Variants in DUSP16 observed in about 807,000 individuals in gnomAD.
The protein encoded by DUSP16 is dual specificity phosphatase 16, also known as dual specificity protein phosphatase 16.
Under a neutral mutation model 58.3 loss-of-function variants are expected in DUSP16, and 21 were observed. The ratio of observed to expected loss-of-function variants is 0.36; its 90% CI spans 0.26 to 0.52. DUSP16 has a LOEUF of 0.52. Among genes scored for constraint, DUSP16 ranks in the 20% least tolerant of loss-of-function variants. The pLI, the probability that DUSP16 is intolerant of heterozygous loss-of-function variation, is 0.94. For missense variants in DUSP16, 726 were observed against 819.0 expected (o/e 0.89, Z 1.39); for synonymous variants, 320 against 323.8 (o/e 0.99, Z 0.12).
At chr12:12,541,858 C>A (rs1208387092) in intron 1 of DUSP16, among the ~76,000 whole-genome samples, 1 of 152,064 alleles carries the variant, frequency 6.6e-6, no homozygotes, top group Admixed American at 6.5e-5. Context: ...CCCACAAAAA[C>A]TTGTATAAAA....
At chr12:12,550,195 C>T (rs1944704993) in intron 1 of DUSP16, among the ~76,000 whole-genome samples, 1 of 151,758 alleles carries the variant, frequency 6.6e-6, no homozygotes, top group Non-Finnish European at 1.5e-5. Flanking sequence ...ATCGCTTGAA[C>T]CCGGGAGGCG....
At chr12:12,514,707 C>T (rs1289127432) in intron 3 of DUSP16, among the ~76,000 whole-genome samples, 1 of 152,128 alleles carries the variant, frequency 6.6e-6, no homozygotes, top group African/African-American at 2.4e-5. Context: ...CTTGCTCTGT[C>T]GCCCAGGCTG....
chr12:12,485,930 A>ACCTG, intron 5 of DUSP16, among the ~76,000 whole-genome samples: 1 of 151,298 alleles, frequency 6.6e-6, no homozygotes, highest in Non-Finnish European at 1.5e-5. Context: ...AGCAGCTGGG[A>ACCTG]CTACAGGTTC....
At position 12,500,568 on chromosome 12, in the gene DUSP16, C is replaced by G; in HGVS notation, c.482G>C (p.Arg161Pro). The G allele has an allele frequency of 1.2e-6, 2 of 1,611,780 alleles. No individual in the cohort carries two copies. Among genetic ancestry groups the G allele is most frequent in the Non-Finnish European group, 1.7e-6 (2 of 1,179,096 alleles). Residue 161 changes from arginine (R) to proline (P), a missense_variant, in exon 4 of 7, where the codon CGA (arginine) becomes CCA (proline). By Grantham distance (103) the Arg-to-Pro change is moderately radical. Transcript: ENST00000298573. ...CLPVANIGPT[R>P]ILPNLYLGCQ... ...GCCAAGATAAAGATTGGGAAGAATTCGGGTTGGCCCAATGTTGGCAACAGG... is the reference window on the plus strand; with the variant it reads ...GCCAAGATAAAGATTGGGAAGAATTGGGGTTGGCCCAATGTTGGCAACAGG...
Position 12,477,724 on chromosome 12 carries a change from C to T in DUSP16, c.1107G>A (p.Ser369=), listed in dbSNP as rs1351749961. Residue 369 remains serine (S), a synonymous_variant, in exon 7 of 7, where the codon TCG becomes TCA. Coordinates refer to ENST00000298573, the MANE Select transcript of DUSP16 (RefSeq NM_030640.3). This position sits in a 1 kb window ranked among gnomAD's most constrained non-coding sequence, Gnocchi z 4.1. ...GTACCAGCGGGCTGTCCTCTAACAG[C>T]GACGGCTGCACGCTGGGCACGCTGG... ...SVPSVPSVQP[S]LLEDSPLVQA... is the part of the protein sequence containing the mutation. 2.0e-5 allele frequency: 33 copies of T among 1,611,174 alleles called. No individual in the cohort carries two copies. The highest frequency in any genetic ancestry group is 5.4e-5 in the African/African-American group (4 of 73,806).
At chr12:12,558,651 A>C (rs766726471) in intron 1 of DUSP16, among the ~76,000 whole-genome samples, 18 of 152,182 alleles carry the variant, frequency 1.2e-4, no homozygotes, top group Non-Finnish European at 1.5e-5. Flanking sequence ...AAGTGCTGGG[A>C]TTATAGGAAT....
At chr12:12,552,390 G>C (rs1305741871) in intron 1 of DUSP16, among the ~76,000 whole-genome samples, 1 of 151,984 alleles carries the variant, frequency 6.6e-6, no homozygotes, top group Non-Finnish European at 1.5e-5. Context: ...AGGTTGCAGT[G>C]AGCTGAGATC....
chr12:12,543,679 G>T (rs1179251322), intron 1 of DUSP16, among the ~76,000 whole-genome samples: 1 of 151,970 alleles, frequency 6.6e-6, no homozygotes, highest in Non-Finnish European at 1.5e-5. Context: ...CATGTAAAAA[G>T]AAAGATGTCT....
chr12:12,561,801 G>A (rs1443298623), intron 1 of DUSP16, among the ~76,000 whole-genome samples: 1 of 151,524 alleles, frequency 6.6e-6, no homozygotes. Context: ...TCCAAGCGCC[G>A]CGCAGCGGCC....
chr12:12,526,964 G>C (rs967580436), intron 1 of DUSP16, among the ~76,000 whole-genome samples: 6 of 152,188 alleles, frequency 3.9e-5, no homozygotes, highest in African/African-American at 1.4e-4. Context: ...GTCCCACTCA[G>C]AGAGGCACAA....
At position 12,477,091 on chromosome 12, in the gene DUSP16, A is replaced by G; in HGVS notation, c.1740T>C (p.Ser580=). ...SAIYGGSASY[S]AYSCSQLPTC... ...TGGGCAGCTGGCTGCAGCTGTAGGC[A>G]GAGTAACTGGCACTGCCTCCGTAGA... Residue 580 remains serine, a synonymous_variant, in exon 7 of 7, where the codon TCT becomes TCC. Coordinates refer to ENST00000298573, the MANE Select transcript of DUSP16 (RefSeq NM_030640.3). The surrounding 1 kb of genome is among the most constrained non-coding windows in gnomAD (Gnocchi z 4.1). The G allele has an allele frequency of 6.2e-7, 1 of 1,614,254 alleles. No homozygotes were observed. The highest frequency in any genetic ancestry group is 1.6e-4 in the Middle Eastern group (1 of 6,062).
At chr12:12,535,103 A>G (rs1310897486) in intron 1 of DUSP16, among the ~76,000 whole-genome samples, 1 of 152,230 alleles carries the variant, frequency 6.6e-6, no homozygotes, top group East Asian at 1.9e-4. Context: ...ATGCAGAAAA[A>G]GCTGGCTTCA....
At chr12:12,498,091 T>A (rs1478782958) in intron 4 of DUSP16, among the ~76,000 whole-genome samples, 1 of 152,208 alleles carries the variant, frequency 6.6e-6, no homozygotes, top group Non-Finnish European at 1.5e-5. Flanking sequence ...TAGGGAAGAT[T>A]ATAAAATTTT....
In DUSP16 at chr12:12,524,726, C is replaced by T. The variant is rs145870154; in HGVS notation, c.-365-3263G>A. 8.7e-3 allele frequency among the ~76,000 whole-genome samples: 1,330 copies of T among 152,252 alleles called. 21 individuals are homozygous for T. Among genetic ancestry groups the T allele is most frequent in the African/African-American group, 0.03 (1,242 of 41,548 alleles). ...CAAAATCCAGAGCAGACCAGCTTTGCTATTTATCTATTTATTTAGCCAGCT... is the reference window on the plus strand; with the variant it reads ...CAAAATCCAGAGCAGACCAGCTTTGTTATTTATCTATTTATTTAGCCAGCT... On this transcript the variant is annotated intron_variant, in intron 1 of 6. Transcript: ENST00000298573.
At chr12:12,527,119 T>C (rs1944318281) in intron 1 of DUSP16, among the ~76,000 whole-genome samples, 1 of 152,242 alleles carries the variant, frequency 6.6e-6, no homozygotes, top group South Asian at 2.1e-4. Flanking sequence ...GTTCAAATTC[T>C]CAGTTTATGG....
chr12:12,510,240 AATC>A (rs1211723840), intron 3 of DUSP16, among the ~76,000 whole-genome samples: 2 of 152,196 alleles, frequency 1.3e-5, no homozygotes, highest in African/African-American at 4.8e-5. Flanking sequence ...ACATGTCTAT[AATC>A]ATCATCAAAA....
chr12:12,478,224 C>T (rs950072478), intron 6 of DUSP16, among the ~76,000 whole-genome samples: 1 of 152,048 alleles, frequency 6.6e-6, no homozygotes, highest in Non-Finnish European at 1.5e-5. Context: ...TGGAGTATGC[C>T]AGAAGAGGCA....
chr12:12,557,252 G>A (rs370150926), intron 1 of DUSP16, among the ~76,000 whole-genome samples: 27 of 152,004 alleles, frequency 1.8e-4, no homozygotes, highest in African/African-American at 5.1e-4. Flanking sequence ...TCAGGAGATC[G>A]AGACCATCCT....
At chr12:12,486,308 A>T (rs1233942214) in intron 5 of DUSP16, among the ~76,000 whole-genome samples, 1 of 152,084 alleles carries the variant, frequency 6.6e-6, no homozygotes. Flanking sequence ...CATTCCAAAT[A>T]CACATCACCA....
Sources: allele counts gnomAD v4.1 joint callset (sites outside exome capture counted in the v4.1 genomes callset), GRCh38; gene constraint gnomAD v4.1.1; non-coding constraint Gnocchi (gnomAD v3.1); transcripts MANE v1.5; gene names NCBI Gene and HGNC (gene_info 2026-07-23, HGNC 2026-07-21).